C3orf52: variants seen among roughly 807,000 people sequenced by gnomAD.
C3orf52 encodes the protein TPA-induced transmembrane protein.
C3orf52 carries 22 observed loss-of-function variants against 24.8 expected under a neutral mutation model. The ratio of observed to expected loss-of-function variants is 0.89; its 90% confidence interval spans 0.63 to 1.27. C3orf52 has a LOEUF of 1.27. Ranked by LOEUF, C3orf52 falls within the 50% of genes most tolerant of loss-of-function variation. The probability of loss-of-function intolerance (pLI) is 0.00; values close to 1 mark genes in which losing one functional copy is unlikely to be tolerated. For synonymous variants in C3orf52, 93 were observed against 100.2 expected, an observed-to-expected ratio of 0.93 and a Z score of 0.43; for missense variants, 265 against 260.7, an observed-to-expected ratio of 1.02 and a Z score of -0.11.
chr3:112,127,937 C>G (rs1008123071), intron 4 of C3orf52: 10 of 1,185,694 alleles, frequency 8.4e-6, no homozygotes, highest in Non-Finnish European at 1.3e-5. Context: ...TGGCCACAGA[C>G]AGTCACAGGT....
downstream of C3orf52, chr3:112,133,482 G>T (rs541006878): frequency 2.4e-5 from 5 of 210,822 alleles, no homozygotes; most frequent in African/African-American, 1.2e-4. Flanking sequence ...AAATCACGTT[G>T]TCTTCTTAGA....
intron 3 of C3orf52, among the ~76,000 whole-genome samples, chr3:112,105,680 C>A (rs1177886186): frequency 1.3e-5 from 2 of 151,770 alleles, no homozygotes; most frequent in Non-Finnish European, 2.9e-5. Context: ...AAGGGTTCAG[C>A]CCCACAAAAC....
At chr3:112,109,428 GA>G in intron 3 of C3orf52, 114 bp from the exon 4 acceptor site, 1 of 532,156 alleles carries the variant, frequency 1.9e-6, no homozygotes, top group Admixed American at 3.3e-5. Context: ...AGATAACGTT[GA>G]TTCCAGGCTG....
intron 5 of C3orf52, among the ~76,000 whole-genome samples, chr3:112,116,238 T>G (rs1287535399): frequency 1.3e-5 from 2 of 152,206 alleles, no homozygotes; most frequent in Admixed American, 6.5e-5. Context: ...CATCTGCACC[T>G]GCTGTGCCCT....
At chr3:112,109,500 C>G (rs754247906) in intron 3 of C3orf52, 43 bp from the exon 4 acceptor site, 29 of 1,280,292 alleles carry the variant, frequency 2.3e-5, no homozygotes, top group Admixed American at 1.8e-5. Context: ...GTAATATGAT[C>G]TGTCGGTAAT....
downstream of C3orf52, chr3:112,130,418 G>T (rs374019602): frequency 1.3e-6 from 2 of 1,594,124 alleles, no homozygotes; most frequent in Non-Finnish European, 1.7e-6. Context: ...CAAGGTCTGG[G>T]GGGTGTTTGG....
At chr3:112,121,908 G>T (rs965473217), downstream of C3orf52, 1 of 152,144 alleles carries the variant, frequency 6.6e-6, no homozygotes, top group African/African-American at 2.4e-5. Context: ...GTTCCCTGTC[G>T]CTTAGCTGGT....
chr3:112,086,881 T>C (rs2073833744), intron 1 of C3orf52, among the ~76,000 whole-genome samples: 1 of 152,208 alleles, frequency 6.6e-6, no homozygotes, highest in Non-Finnish European at 1.5e-5. Context: ...ATTCAGTTTT[T>C]CTTTTTTCCA....
chr3:112,108,319 G>A (rs1337343075), intron 3 of C3orf52, among the ~76,000 whole-genome samples: 4 of 152,102 alleles, frequency 2.6e-5, no homozygotes, highest in African/African-American at 7.2e-5. Flanking sequence ...TATACTCCTC[G>A]GAGTGGTAAA....
At position 112,117,232 on chromosome 3, in the gene C3orf52, G is replaced by A. The variant is rs1174504058; in HGVS notation, c.*586G>A. The A allele has an allele frequency of 8.1e-6, 4 of 493,960 alleles. No individual in the cohort carries two copies. The highest frequency in any genetic ancestry group is 1.9e-5 in the African/African-American group (1 of 52,508). The allele number at this position is 493,960 out of a possible 1,614,324, so 30.6% of individuals were successfully genotyped here. A position where few individuals can be genotyped will look rare whatever the true frequency, so the allele number is the denominator to read the frequency against. On this transcript the variant is annotated 3_prime_UTR_variant, in exon 6 of 6. Coordinates refer to ENST00000264848, the MANE Select transcript of C3orf52 (RefSeq NM_024616.3). Reference sequence around the variant, plus strand: ...ATTTGATCTACCTCTAAGCCAGGCTGTGAAGAAAAGGAAGGCACTTTAGAA... The same window carrying A: ...ATTTGATCTACCTCTAAGCCAGGCTATGAAGAAAAGGAAGGCACTTTAGAA...
Position 112,090,831 on chromosome 3 carries a change from T to C in C3orf52, c.139-2529T>C, listed in dbSNP as rs535850990. 1.2e-4 allele frequency among the ~76,000 whole-genome samples: 19 copies of C among 152,322 alleles called. No individual in the cohort carries two copies. The South Asian group carries it at 3.7e-3, about 30-fold the overall frequency. ...CTAATCTTTATGGGTCCCAGCTGCC[T>C]TTTATGAGGGCTGAAAATAGCACCA... On this transcript the variant is annotated intron_variant, in intron 1 of 5. Transcript: ENST00000264848.
chr3:112,091,833 T>A (rs2107774656), intron 1 of C3orf52, among the ~76,000 whole-genome samples: 1 of 152,012 alleles, frequency 6.6e-6, no homozygotes, highest in East Asian at 1.9e-4. Flanking sequence ...TGAAACCCCG[T>A]CTCTACTAAA....
At chr3:112,122,226 T>A (rs1303203127), downstream of C3orf52, 1 of 152,210 alleles carries the variant, frequency 6.6e-6, no homozygotes, top group Non-Finnish European at 1.5e-5. Flanking sequence ...GTCTGCAAAC[T>A]TTTTTTCCAA....
At chr3:112,125,463 AG>A (rs778885671) in intron 4 of C3orf52, among the ~76,000 whole-genome samples, 1 of 152,148 alleles carries the variant, frequency 6.6e-6, no homozygotes, top group Non-Finnish European at 1.5e-5. Flanking sequence ...GAGAGGTGAG[AG>A]GGGGGAGACA....
intron 3 of C3orf52, 29 bp downstream of exon 3, chr3:112,102,994 A>C (rs761898694): frequency 6.2e-7 from 1 of 1,604,912 alleles, no homozygotes; most frequent in Non-Finnish European, 8.5e-7. Flanking sequence ...TTGCCTAAGG[A>C]GTTCTTGACA....
intron 3 of C3orf52, among the ~76,000 whole-genome samples, chr3:112,104,928 T>C (rs2074009568): frequency 6.6e-6 from 1 of 152,230 alleles, no homozygotes; most frequent in South Asian, 2.1e-4. Flanking sequence ...TGGCTGCTTT[T>C]TTAATGGAGA....
Position 112,110,769 on chromosome 3 carries a change from A to G in C3orf52, c.467+1156A>G, listed in dbSNP as rs138383140. Among the ~76,000 whole-genome samples the G allele has an allele frequency of 2.3e-4, 35 of 152,310 alleles. No individual in the cohort carries two copies. The East Asian group carries it at 6.8e-3, about 29-fold the overall frequency. On this transcript the variant is annotated intron_variant, in intron 4 of 5. Transcript: ENST00000264848. ...GTATTATATTGAGATTCCCCCTTCA[A>G]ACTATAAGTTCTCCAAACCCTAATA...
intron 3 of C3orf52, among the ~76,000 whole-genome samples, chr3:112,108,214 G>A (rs1312062837): frequency 6.6e-6 from 1 of 152,150 alleles, no homozygotes; most frequent in Non-Finnish European, 1.5e-5. Flanking sequence ...GAAATTCAGA[G>A]ATGAAAAGTC....
intron 1 of C3orf52, among the ~76,000 whole-genome samples, chr3:112,093,037 G>A (rs1482982338): frequency 6.6e-6 from 1 of 152,010 alleles, no homozygotes; most frequent in Non-Finnish European, 1.5e-5. Flanking sequence ...CATTCCAGTC[G>A]GCAGGCTAGT....
Sources: gnomAD v4.1 joint callset for allele counts (sites outside exome capture counted in the v4.1 genomes callset) on GRCh38, gnomAD v4.1.1 for gene constraint, MANE v1.5 for transcripts, NCBI Gene and HGNC (gene_info 2026-07-23, HGNC 2026-07-21) for gene names.